Variants in SNRPB observed in about 807,000 individuals in gnomAD.
SNRPB encodes small nuclear ribonucleoprotein polypeptides B and B1.
A neutral mutation model predicts 26.6 loss-of-function variants in SNRPB; 5 were observed. The ratio of observed to expected loss-of-function variants is 0.19; its 90% confidence interval spans 0.10 to 0.39. SNRPB has a LOEUF of 0.39. Ranked by LOEUF, SNRPB falls within the 10% of genes least tolerant of loss-of-function variation. The pLI, the probability that SNRPB is intolerant of heterozygous loss-of-function variation, is 1.00. For missense variants in SNRPB, 211 were observed against 311.9 expected, an observed-to-expected ratio of 0.68 and a Z score of 2.44; for synonymous variants, 122 against 105.8, an observed-to-expected ratio of 1.15 and a Z score of -0.94.
Position 2,463,150 on chromosome 20 carries a change from G to A in SNRPB, c.498C>T (p.Thr166=), listed in dbSNP as rs1314117885. ...GACCCCCACGGCCAGGTGGGTACTG[G>A]GTTGGAGCCCCGGCAATACTGGCTG... ...AATASIAGAP[T]QYPPGRGGPP... The change falls in exon 5 of 7, where the codon ACC becomes ACT. Residue 166 remains threonine (T), a synonymous_variant. Transcript: ENST00000381342. The surrounding 1 kb of genome is among the most constrained non-coding windows in gnomAD (Gnocchi z 5.0). 4 of 1,612,398 alleles carry A rather than the reference G, an allele frequency of 2.5e-6. No individual in the cohort carries two copies. Among genetic ancestry groups the A allele is most frequent in the Non-Finnish European group, 3.4e-6 (4 of 1,178,982 alleles).
chr20:2,462,603 A>G (rs1227394414), intron 6 of SNRPB, 33 bp downstream of exon 6: 9 of 1,602,402 alleles, frequency 5.6e-6, no homozygotes, highest in South Asian at 4.4e-5. Context: ...GGCTCTAGGG[A>G]AAGAAGCCAA....
chr20:2,470,743 T>C lies in SNRPB; in HGVS notation c.-53A>G. 3 of 1,603,914 alleles carry C rather than the reference T, an allele frequency of 1.9e-6. No homozygotes were observed. Among genetic ancestry groups the C allele is most frequent in the Non-Finnish European group, 2.6e-6 (3 of 1,173,860 alleles). On this transcript the variant is annotated 5_prime_UTR_variant, in exon 1 of 7. Coordinates refer to ENST00000381342, the MANE Select transcript of SNRPB (RefSeq NM_003091.4). ...CGCCGGATTCGCCTCCTCAGAGGCC[T>C]AGCCTCTCTCCCACAGCCGATTTCC...
intron 1 of SNRPB, among the ~76,000 whole-genome samples, chr20:2,468,996 TTCCATTCAATGACCA>T (rs1381871142): frequency 1.3e-5 from 2 of 152,178 alleles, no homozygotes; most frequent in African/African-American, 2.4e-5. Context: ...GTGGTTCAGT[TTCCATTCAATGACCA>T]TTTTAACCAG....
chr20:2,465,172 G>C (rs1209751037), intron 3 of SNRPB, among the ~76,000 whole-genome samples: 1 of 152,176 alleles, frequency 6.6e-6, no homozygotes. Context: ...AACTGTAACT[G>C]TACAAAACAA....
At chr20:2,462,025 A>AGGAG in intron 6 of SNRPB, 86 bp from the exon 7 acceptor site, 1 of 924,064 alleles carries the variant, frequency 1.1e-6, no homozygotes, top group Non-Finnish European at 1.7e-6. Context: ...CCCTGCAGTA[A>AGGAG]TCGAGTGAGG....
At position 2,470,743 on chromosome 20, in the gene SNRPB, T is replaced by G. The variant is rs2122499203; in HGVS notation, c.-53A>C. ...CGCCGGATTCGCCTCCTCAGAGGCC[T>G]AGCCTCTCTCCCACAGCCGATTTCC... On this transcript the variant is annotated 5_prime_UTR_variant, in exon 1 of 7. Coordinates refer to ENST00000381342, the MANE Select transcript of SNRPB (RefSeq NM_003091.4). The G allele has an allele frequency of 6.2e-7, 1 of 1,603,906 alleles. No individual in the cohort carries two copies. Among genetic ancestry groups the G allele is most frequent in the South Asian group, 1.1e-5 (1 of 90,924 alleles).
chr20:2,466,679 T>C (rs1339664827), intron 2 of SNRPB, among the ~76,000 whole-genome samples: 1 of 152,180 alleles, frequency 6.6e-6, no homozygotes, highest in African/African-American at 2.4e-5. Flanking sequence ...AAAAAACCCT[T>C]CGGGGTATTT....
At chr20:2,462,408 G>A (rs139399828) in intron 6 of SNRPB, among the ~76,000 whole-genome samples, 27 of 152,294 alleles carry the variant, frequency 1.8e-4, no homozygotes, top group Non-Finnish European at 3.4e-4. Flanking sequence ...TCCTGAGGCC[G>A]CTGCCTTAGA....
chr20:2,461,761 G>T lies in SNRPB; in HGVS notation c.*168C>A, dbSNP rs767608666. On this transcript the variant is annotated 3_prime_UTR_variant, in exon 7 of 7. Coordinates refer to ENST00000381342, the MANE Select transcript of SNRPB (RefSeq NM_003091.4). ...TGAGGAGGGCCAAGATGAGTCTAGG[G>T]CCTTGGTGGGCGCATTCCCGGGGGA... 3.1e-6 allele frequency: 5 copies of T among 1,605,898 alleles called. No homozygotes were observed. Among genetic ancestry groups the T allele is most frequent in the Non-Finnish European group, 4.3e-6 (5 of 1,175,580 alleles).
chr20:2,465,410 T>G (rs1482235165), intron 3 of SNRPB, among the ~76,000 whole-genome samples: 12 of 150,568 alleles, frequency 8.0e-5, no homozygotes, highest in African/African-American at 3.0e-4. Context: ...TTTTTGTCTT[T>G]TTTTTTTTCT....
At chr20:2,467,423 G>C (rs2085081226) in intron 2 of SNRPB, 184 bp downstream of exon 2, 4 of 654,772 alleles carry the variant, frequency 6.1e-6, no homozygotes, top group Non-Finnish European at 1.1e-5. Context: ...CTAGACTAGA[G>C]AGCAAGGTTT....
intron 1 of SNRPB, among the ~76,000 whole-genome samples, chr20:2,468,099 C>A (rs2085086516): frequency 6.6e-6 from 1 of 152,092 alleles, no homozygotes; most frequent in East Asian, 1.9e-4. Context: ...TACCAGTGTG[C>A]AGATTATAGA....
chr20:2,463,951 T>C lies in SNRPB; in HGVS notation c.268-52A>G. ...TGCCCAGTGATCTGAAGATCAGAAG[T>C]ATACTTTGGAATATCATTGCCAAGA... On this transcript the variant is annotated intron_variant, in intron 3 of 6. Transcript: ENST00000381342. This position sits in a 1 kb window ranked among gnomAD's most constrained non-coding sequence, Gnocchi z 5.0. The C allele has an allele frequency of 1.3e-6, 2 of 1,513,860 alleles. No homozygotes were observed. The highest frequency in any genetic ancestry group is 1.1e-5 in the South Asian group (1 of 87,740). The allele number at this position is 1,513,860 out of a possible 1,614,324, so 93.8% of individuals were successfully genotyped here.
chr20:2,468,647 C>G (rs1345818403), intron 1 of SNRPB, among the ~76,000 whole-genome samples: 1 of 152,206 alleles, frequency 6.6e-6, no homozygotes, highest in African/African-American at 2.4e-5. Flanking sequence ...ACTCCATGGC[C>G]GGGCTCAGTG....
At chr20:2,468,484 T>C (rs548275919) in intron 1 of SNRPB, among the ~76,000 whole-genome samples, 2 of 152,228 alleles carry the variant, frequency 1.3e-5, no homozygotes, top group African/African-American at 2.4e-5. Flanking sequence ...TATAAACAAA[T>C]CACCTGGCAT....
intron 6 of SNRPB, 140 bp downstream of exon 6, chr20:2,462,496 C>G (rs1309974329): frequency 1.6e-5 from 14 of 849,232 alleles, no homozygotes; most frequent in Non-Finnish European, 2.4e-5. Flanking sequence ...GAAATGTTCC[C>G]TCTTCTCTTT....
chr20:2,464,101 A>C (rs1274051523), intron 3 of SNRPB, among the ~76,000 whole-genome samples: 2 of 152,228 alleles, frequency 1.3e-5, no homozygotes, highest in Non-Finnish European at 2.9e-5. Context: ...GGTAGAACTT[A>C]AGAGTAAGTC....
intron 1 of SNRPB, 98 bp downstream of exon 1, chr20:2,470,590 A>C: frequency 6.7e-7 from 1 of 1,499,486 alleles, no homozygotes; most frequent in Middle Eastern, 1.7e-4. Flanking sequence ...TCACCGCCCT[A>C]AGTGGCTCCA....
At chr20:2,470,023 C>A (rs6049283) in intron 1 of SNRPB, among the ~76,000 whole-genome samples, 99,603 of 152,168 alleles carry the variant, frequency 0.65, 34,259 homozygotes, top group East Asian at 0.83. Context: ...TACCCCGCCC[C>A]GCTGCCGTTA....
Sources: gnomAD v4.1 joint callset for allele counts (sites outside exome capture counted in the v4.1 genomes callset) on GRCh38, gnomAD v4.1.1 for gene constraint, Gnocchi (gnomAD v3.1) non-coding constraint, MANE v1.5 for transcripts, NCBI Gene and HGNC (gene_info 2026-07-23, HGNC 2026-07-21) for gene names.